The following RNLS variants were observed in gnomAD, a reference collection of about 807,000 sequenced individuals.
The protein encoded by RNLS is renalase, FAD dependent amine oxidase.
In RNLS, 39 loss-of-function variants were observed where a neutral mutation model predicts 39.8. That is an observed-to-expected ratio of 0.98 (90% CI 0.76 to 1.28). RNLS has a LOEUF of 1.28. Among genes scored for constraint, RNLS ranks in the 50% most tolerant of loss-of-function variants. The probability of loss-of-function intolerance (pLI) is 0.00; values close to 1 mark genes in which losing one functional copy is unlikely to be tolerated. For synonymous variants in RNLS, 147 were observed against 150.7 expected, an observed-to-expected ratio of 0.98 and a Z score of 0.18; for missense variants, 410 against 413.3, an observed-to-expected ratio of 0.99 and a Z score of 0.07.
the RNLS span, among the ~76,000 whole-genome samples, chr10:88,242,299 T>G: frequency 2.0e-5 from 3 of 152,210 alleles, no homozygotes; most frequent in South Asian, 6.2e-4. Context: ...TCTTTCAATT[T>G]TAGGCCAATA....
At chr10:88,203,361 T>C in the RNLS span, among the ~76,000 whole-genome samples, 9,803 of 14,370 alleles carry the variant, frequency 0.68, 4,376 homozygotes, top group Non-Finnish European at 0.76. Flanking sequence ...TATATACGTA[T>C]GTGTGTGTAT....
At chr10:88,346,307 G>GTA (rs1274938698) in intron 5 of RNLS, among the ~76,000 whole-genome samples, 1 of 152,150 alleles carries the variant, frequency 6.6e-6, no homozygotes, top group Admixed American at 6.6e-5. Flanking sequence ...CAAAGCAGAT[G>GTA]TATACTCCTC....
intron 5 of RNLS, among the ~76,000 whole-genome samples, chr10:88,340,444 T>C (rs144762669): frequency 6.6e-6 from 1 of 151,630 alleles, no homozygotes; most frequent in East Asian, 1.9e-4. Context: ...ATTTCCTTTC[T>C]CTTTGATGGA....
intron 4 of RNLS, among the ~76,000 whole-genome samples, chr10:88,376,900 C>T (rs926814840): frequency 6.6e-6 from 1 of 152,206 alleles, no homozygotes; most frequent in South Asian, 2.1e-4. Context: ...AAAAGGAAGT[C>T]TGTTTCAATA....
intron 4 of RNLS, among the ~76,000 whole-genome samples, chr10:88,513,899 G>A (rs1846277789): frequency 6.6e-6 from 1 of 151,966 alleles, no homozygotes; most frequent in South Asian, 2.1e-4. Context: ...AAGATGAAAA[G>A]GGATCTTGTA....
the RNLS span, among the ~76,000 whole-genome samples, chr10:88,263,648 G>T: frequency 6.6e-6 from 1 of 151,988 alleles, no homozygotes; most frequent in Non-Finnish European, 1.5e-5. Context: ...GCACTGATTG[G>T]GAAATAGGGG....
chr10:88,361,241 C>T (rs1435958839), intron 5 of RNLS, among the ~76,000 whole-genome samples: 1 of 152,224 alleles, frequency 6.6e-6, no homozygotes, highest in Non-Finnish European at 1.5e-5. Context: ...AAAGTCCTAT[C>T]TCTAAATACA....
intron 4 of RNLS, among the ~76,000 whole-genome samples, chr10:88,502,278 A>C (rs959184619): frequency 1.6e-5 from 2 of 128,790 alleles, no homozygotes; most frequent in African/African-American, 5.8e-5. Context: ...TGTAAGGAGG[A>C]GGCCCTTTAG....
downstream of RNLS, among the ~76,000 whole-genome samples, chr10:88,272,690 A>T (rs367805475): frequency 9.1e-4 from 138 of 152,326 alleles, 3 homozygotes; most frequent in South Asian, 0.027. Flanking sequence ...ATTGATCTTC[A>T]AATGATTCCA....
chr10:88,274,282 A>G (rs7922058), exon 7 of RNLS: 29,382 of 152,222 alleles, frequency 0.19, 2,994 homozygotes, highest in South Asian at 0.27. Context: ...ACCCATAACC[A>G]TCATCCATCT....
intron 6 of RNLS, among the ~76,000 whole-genome samples, chr10:88,302,055 TCTA>T (rs1208276332): frequency 6.6e-6 from 1 of 152,224 alleles, no homozygotes; most frequent in Non-Finnish European, 1.5e-5. Flanking sequence ...GTAAATGTTT[TCTA>T]CTGTGTTCTC....
chr10:88,210,063 C>A, the RNLS span, among the ~76,000 whole-genome samples: 1 of 152,182 alleles, frequency 6.6e-6, no homozygotes, highest in Non-Finnish European at 1.5e-5. Context: ...TTGTACCGTG[C>A]CCTGAGGCGA....
chr10:88,574,996 T>C (rs1176482798), intron 3 of RNLS, among the ~76,000 whole-genome samples: 1 of 151,530 alleles, frequency 6.6e-6, no homozygotes, highest in Non-Finnish European at 1.5e-5. Flanking sequence ...AAGAGAACAA[T>C]ATGCTGTTAT....
At chr10:88,495,917 A>C (rs1353540339) in intron 4 of RNLS, among the ~76,000 whole-genome samples, 1 of 152,142 alleles carries the variant, frequency 6.6e-6, no homozygotes, top group East Asian at 1.9e-4. Context: ...TGAAAGAAAA[A>C]AAGACAGAAC....
chr10:88,440,399 G>T (rs142238871), intron 4 of RNLS, among the ~76,000 whole-genome samples: 23 of 152,264 alleles, frequency 1.5e-4, no homozygotes, highest in African/African-American at 5.3e-4. Flanking sequence ...ATATAAAATG[G>T]TAATCACAAA....
intron 4 of RNLS, among the ~76,000 whole-genome samples, chr10:88,418,049 G>A (rs1007118444): frequency 6.7e-6 from 1 of 149,672 alleles, no homozygotes; most frequent in African/African-American, 2.5e-5. Context: ...GTCCAGAATG[G>A]AAAGTTCAGG....
At chr10:88,428,128 T>C (rs975744844) in intron 4 of RNLS, among the ~76,000 whole-genome samples, 21 of 152,114 alleles carry the variant, frequency 1.4e-4, no homozygotes, top group African/African-American at 3.6e-4. Flanking sequence ...ATCTGTATGT[T>C]AGCATTTAAA....
At chr10:88,232,232 T>C in the RNLS span, among the ~76,000 whole-genome samples, 7 of 152,132 alleles carry the variant, frequency 4.6e-5, no homozygotes, top group African/African-American at 1.4e-4. Context: ...GCTGGTGGCT[T>C]AGGCCTGTGT....
intron 5 of RNLS, among the ~76,000 whole-genome samples, chr10:88,357,247 A>T (rs1445218328): frequency 6.6e-6 from 1 of 152,210 alleles, no homozygotes; most frequent in Admixed American, 6.5e-5. Context: ...AGGAGGCAAC[A>T]GATAGTTTAA....
Sources: allele counts gnomAD v4.1 joint callset (sites outside exome capture counted in the v4.1 genomes callset), GRCh38; gene constraint gnomAD v4.1.1; transcripts MANE v1.5; gene names NCBI Gene and HGNC (gene_info 2026-07-23, HGNC 2026-07-21).